FGF13: variants seen among roughly 807,000 people sequenced by gnomAD.
FGF13 encodes fibroblast growth factor 13, also known as fibroblast growth factor homologous factor 2.
In FGF13, 2 loss-of-function variants were observed where a neutral mutation model predicts 19.5. The ratio of observed to expected loss-of-function variants is 0.10; its 90% confidence interval spans 0.04 to 0.32. The LOEUF (loss-of-function observed/expected upper bound fraction) is 0.32. Among genes scored for constraint, FGF13 ranks in the 10% least tolerant of loss-of-function variants. The pLI, the probability that FGF13 is intolerant of heterozygous loss-of-function variation, is 1.00. For synonymous variants in FGF13, 72 were observed against 76.9 expected (o/e 0.94, Z 0.33); for missense variants, 113 against 192.7 (o/e 0.59, Z 2.45).
chrX:138,641,333 TTCTCCTCTCTTCC>T (rs1380444484), intron 3 of FGF13, among the ~76,000 whole-genome samples: 2 of 111,933 alleles, frequency 1.8e-5, no homozygotes. Flanking sequence ...CTCTCTCTTC[TTCTCCTCTCTTCC>T]AGTCACATTT....
chrX:139,033,200 A>G (rs1012439177), intron 1 of FGF13, among the ~76,000 whole-genome samples: 2 of 110,931 alleles, frequency 1.8e-5, no homozygotes, highest in African/African-American at 6.5e-5. Context: ...GCTTTAACAA[A>G]TCAATTTTCT....
chrX:139,030,042 C>T (rs1032280384), intron 1 of FGF13, among the ~76,000 whole-genome samples: 3 of 111,934 alleles, frequency 2.7e-5, no homozygotes, highest in Non-Finnish European at 3.8e-5. Context: ...TAAAACTTTA[C>T]TTACAAAAAC....
intron 3 of FGF13, among the ~76,000 whole-genome samples, chrX:138,640,928 C>G (rs2089243998): frequency 9.0e-6 from 1 of 111,319 alleles, no homozygotes. Context: ...GTAAATGTTT[C>G]CCTTTAACAC....
chrX:138,981,283 G>A (rs1309395803), intron 1 of FGF13, among the ~76,000 whole-genome samples: 6 of 106,948 alleles, frequency 5.6e-5, no homozygotes, highest in African/African-American at 6.9e-5. Context: ...ACTTGGCCCC[G>A]TTGGATAAAC....
chrX:138,623,036 TG>T lies in FGF13; in HGVS notation c.*9813del, dbSNP rs981315267. 2.7e-5 allele frequency: 3 copies of T among 111,887 alleles called. No homozygotes were observed. The highest frequency in any genetic ancestry group is 5.6e-5 in the Non-Finnish European group (3 of 53,150). The allele number at this position is 111,887 out of a possible 1,213,427, so 9.2% of individuals were successfully genotyped here. On this transcript the variant is annotated 3_prime_UTR_variant, in exon 5 of 5. Transcript: ENST00000315930. The stretch of plus-strand genomic sequence containing the variant: ...CTAAGTATTTTTTTGCAATTGCAAA[TG>T]GGATTGTGTTCTTTATTTTTTGGAT...
Position 138,625,511 on chromosome X carries a change from A to ATATATATATACATATATAT in FGF13, c.*7338_*7339insATATATATGTATATATATA. 1 of 90,688 alleles carries ATATATATATACATATATAT rather than the reference A, an allele frequency of 1.1e-5. No individual in the cohort carries two copies. The highest frequency in any genetic ancestry group is 4.4e-4 in the South Asian group (1 of 2,282). The allele number at this position is 90,688 out of a possible 1,213,427, so 7.5% of individuals were successfully genotyped here. A position where few individuals can be genotyped will look rare whatever the true frequency, so the allele number is the denominator to read the frequency against. ...TATATATATATACATATATATATAT[A>ATATATATATACATATATAT]ATATAATATATATATATATCTTAGC... On this transcript the variant is annotated 3_prime_UTR_variant, in exon 5 of 5. Coordinates refer to ENST00000315930, the MANE Select transcript of FGF13 (RefSeq NM_004114.5).
At chrX:138,693,261 T>G (rs778273898) in intron 3 of FGF13, among the ~76,000 whole-genome samples, 1 of 111,800 alleles carries the variant, frequency 8.9e-6, no homozygotes, top group Non-Finnish European at 1.9e-5. Context: ...GCTGATTTAC[T>G]TGTGTTTGGA....
chrX:138,850,928 C>T (rs1007682514), intron 3 of FGF13, among the ~76,000 whole-genome samples: 1 of 111,560 alleles, frequency 9.0e-6, no homozygotes, highest in Non-Finnish European at 1.9e-5. Context: ...TGTGTTGTTC[C>T]ACTCCCTGTG....
At chrX:139,144,539 T>C (rs2083872044) in intron 1 of FGF13, among the ~76,000 whole-genome samples, 1 of 106,507 alleles carries the variant, frequency 9.4e-6, no homozygotes, top group Admixed American at 9.8e-5. Context: ...CCTGCAATGG[T>C]CTCCTTCCTG....
At chrX:139,143,525 G>A (rs1388983349) in intron 1 of FGF13, among the ~76,000 whole-genome samples, 1 of 112,256 alleles carries the variant, frequency 8.9e-6, no homozygotes, top group Non-Finnish European at 1.9e-5. Context: ...CAAATTAGCG[G>A]AGGTTTAACA....
intron 1 of FGF13, among the ~76,000 whole-genome samples, chrX:139,186,276 G>A (rs1402687464): frequency 4.5e-5 from 5 of 111,611 alleles, no homozygotes; most frequent in Non-Finnish European, 7.5e-5. Flanking sequence ...CTAGAGATGG[G>A]ACTGGATCCC....
intron 1 of FGF13, among the ~76,000 whole-genome samples, chrX:139,078,831 C>T (rs892048021): frequency 8.9e-6 from 1 of 112,838 alleles, no homozygotes; most frequent in Admixed American, 9.4e-5. Context: ...TTAAATGAAA[C>T]TTTACAGAGG....
chrX:139,009,726 A>G (rs1177865370), intron 1 of FGF13, among the ~76,000 whole-genome samples: 1 of 111,895 alleles, frequency 8.9e-6, no homozygotes, highest in Non-Finnish European at 1.9e-5. Flanking sequence ...CACAGGACCT[A>G]TATAACAATA....
At chrX:138,993,669 C>T (rs147036618) in intron 1 of FGF13, among the ~76,000 whole-genome samples, 2 of 111,624 alleles carry the variant, frequency 1.8e-5, no homozygotes, top group African/African-American at 6.5e-5. Context: ...TACATAGGAA[C>T]CAGACAAACG....
intron 1 of FGF13, among the ~76,000 whole-genome samples, chrX:138,930,697 G>A (rs188868476): frequency 1.8e-5 from 2 of 112,251 alleles, no homozygotes; most frequent in East Asian, 5.6e-4. Flanking sequence ...CGGCTTAGTA[G>A]AGATGGTAAC....
chrX:139,093,456 C>T (rs771048945), intron 1 of FGF13, among the ~76,000 whole-genome samples: 2 of 112,316 alleles, frequency 1.8e-5, no homozygotes, highest in South Asian at 7.5e-4. Context: ...AAGCAAGCGA[C>T]AGATGGAACT....
At chrX:139,022,611 G>C (rs2043016454) in intron 1 of FGF13, among the ~76,000 whole-genome samples, 1 of 111,000 alleles carries the variant, frequency 9.0e-6, no homozygotes, top group African/African-American at 3.3e-5. Flanking sequence ...ACTTTGTAGA[G>C]CAAGTGAAAT....
Position 139,084,513 on chromosome X carries a change from T to C in FGF13, c.-113+118903A>G, listed in dbSNP as rs1420991912. ...TCCATAATCTTTGCATTCGCCTGTT[T>C]AGCTCTGTGATCTGGGTCAGTGGAG... On this transcript the variant is annotated intron_variant, in intron 1 of 2. Transcript: ENST00000421460. Among the ~76,000 whole-genome samples, 5 of 111,684 alleles carry C rather than the reference T, an allele frequency of 4.5e-5. No homozygotes were observed. The East Asian group carries it at 1.4e-3, about 32-fold the overall frequency.
intron 1 of FGF13, among the ~76,000 whole-genome samples, chrX:139,194,236 C>A (rs2084354171): frequency 8.9e-6 from 1 of 111,913 alleles, no homozygotes; most frequent in South Asian, 3.7e-4. Context: ...CCCACATACA[C>A]ACTTAAAGAT....
Sources: allele counts gnomAD v4.1 joint callset (sites outside exome capture counted in the v4.1 genomes callset), GRCh38; gene constraint gnomAD v4.1.1; transcripts MANE v1.5; gene names NCBI Gene and HGNC (gene_info 2026-07-23, HGNC 2026-07-21).